STAG2: variants seen among roughly 807,000 people sequenced by gnomAD.
STAG2 encodes the protein cohesin subunit SA-2.
A neutral mutation model predicts 108.1 loss-of-function variants in STAG2; 14 were observed. The observed-to-expected ratio is 0.13, with a 90% CI of 0.09 to 0.20. The LOEUF (loss-of-function observed/expected upper bound fraction) is 0.20, where lower values mean the gene tolerates loss of function less well. Among genes scored for constraint, STAG2 ranks in the 10% least tolerant of loss-of-function variants. STAG2 has a pLI of 1.00. For missense variants in STAG2, 440 were observed against 940.9 expected (o/e 0.47, Z 6.96); for synonymous variants, 307 against 302.7 (o/e 1.01, Z -0.15).
chrX:123,984,254 A>AGGCAT (rs1363001479), intron 1 of STAG2, among the ~76,000 whole-genome samples: 4 of 110,790 alleles, frequency 3.6e-5, no homozygotes, highest in Non-Finnish European at 7.5e-5. Flanking sequence ...CTGGGATTAC[A>AGGCAT]GGCATGAAGC....
chrX:124,088,214 T>C (rs1025492069), intron 30 of STAG2, among the ~76,000 whole-genome samples: 3 of 110,794 alleles, frequency 2.7e-5, no homozygotes, highest in African/African-American at 6.6e-5. Context: ...AACACATGAA[T>C]GGGTATTTAT....
intron 1 of STAG2, chrX:124,003,566 C>CAT (rs2056149814): frequency 1.8e-5 from 2 of 109,500 alleles, no homozygotes; most frequent in East Asian, 5.8e-4. Flanking sequence ...GGATTACAGG[C>CAT]GCCTGCCACC....
chrX:124,029,312 C>T (rs943467440), intron 4 of STAG2, among the ~76,000 whole-genome samples: 16 of 100,414 alleles, frequency 1.6e-4, no homozygotes, highest in Non-Finnish European at 2.8e-4. Flanking sequence ...CCACTGCGCC[C>T]GGCCTATTTA....
intron 1 of STAG2, among the ~76,000 whole-genome samples, chrX:123,976,575 A>G (rs1358900974): frequency 9.0e-6 from 1 of 111,559 alleles, no homozygotes; most frequent in Non-Finnish European, 1.9e-5. Context: ...ATTGGTATTC[A>G]TATTTAAAAG....
chrX:124,031,229 T>C, intron 5 of STAG2, 104 bp downstream of exon 5: 2 of 843,790 alleles, frequency 2.4e-6, no homozygotes, highest in Non-Finnish European at 3.1e-6. Flanking sequence ...AAACATACAC[T>C]ACTTATTAGA....
intron 27 of STAG2, among the ~76,000 whole-genome samples, chrX:124,079,330 G>T (rs1046661993): frequency 9.1e-6 from 1 of 110,339 alleles, no homozygotes; most frequent in Non-Finnish European, 1.9e-5. Flanking sequence ...TAGTAGAGAC[G>T]GGGTTTCACC....
At position 124,100,566 on chromosome X, in the gene STAG2, C is replaced by T. The variant is rs1386175919; in HGVS notation, c.3784-8C>T. 5.9e-6 allele frequency: 7 copies of T among 1,192,513 alleles called. No homozygotes were observed. The African/African-American group carries it at 1.2e-4, about 21-fold the overall frequency. On this transcript the variant is annotated splice_polypyrimidine_tract_variant and splice_region_variant and intron_variant, in intron 34 of 34. Transcript: ENST00000371145. ...ACGAGATTTTCTCCCCTCTCTCTCT[C>T]TCATTAGGTTCTTGGAGTGTCAATG... is the stretch of plus-strand genomic sequence containing the variant.
At chrX:124,012,812 GTTTT>G (rs759877508) in intron 1 of STAG2, among the ~76,000 whole-genome samples, 7 of 111,558 alleles carry the variant, frequency 6.3e-5, no homozygotes, top group African/African-American at 2.3e-4. Flanking sequence ...CTACTGAATT[GTTTT>G]TTGGCTACAG....
chrX:124,003,884 T>C (rs1041090476), intron 1 of STAG2: 1 of 112,068 alleles, frequency 8.9e-6, no homozygotes, highest in East Asian at 2.8e-4. Flanking sequence ...TGGTTTAATA[T>C]ATTTTAATAC....
At chrX:123,982,660 T>C (rs752737189) in intron 1 of STAG2, among the ~76,000 whole-genome samples, 1 of 110,852 alleles carries the variant, frequency 9.0e-6, no homozygotes, top group Non-Finnish European at 1.9e-5. Context: ...ATGTTGAGAT[T>C]ATAGGCGTGA....
At chrX:124,053,541 A>C (rs1267679061) in intron 13 of STAG2, among the ~76,000 whole-genome samples, 2 of 111,674 alleles carry the variant, frequency 1.8e-5, no homozygotes, top group African/African-American at 3.3e-5. Context: ...ATATGATACA[A>C]ACTAATGAGT....
At chrX:123,976,229 G>A (rs1271227235) in intron 1 of STAG2, among the ~76,000 whole-genome samples, 1 of 111,729 alleles carries the variant, frequency 9.0e-6, no homozygotes, top group South Asian at 3.7e-4. Flanking sequence ...AGCCAAGGTC[G>A]TGCCACTGCA....
At chrX:124,097,228 T>C (rs1603204135) in intron 34 of STAG2, among the ~76,000 whole-genome samples, 1 of 107,263 alleles carries the variant, frequency 9.3e-6, no homozygotes, top group East Asian at 2.9e-4. Flanking sequence ...CAATTGGTCT[T>C]AAGTGTGGCC....
rs7881113 is a variant in STAG2, at chrX:123,968,934, C to T, written c.-163+7078C>T. On this transcript the variant is annotated intron_variant, in intron 1 of 34. Transcript: ENST00000371145. ...TTGTCTCAAGTCACATGGATTCACA[C>T]TCAGATTAGCCTGGCCTCAAAACCT... Among the ~76,000 whole-genome samples the T allele has an allele frequency of 2.0e-3, 226 of 112,018 alleles. 1 individual carries two copies. Among genetic ancestry groups the T allele is most frequent in the Middle Eastern group, 9.2e-3 (2 of 218 alleles).
intron 15 of STAG2, among the ~76,000 whole-genome samples, chrX:124,058,873 A>G (rs1174622359): frequency 8.9e-6 from 1 of 112,249 alleles, no homozygotes; most frequent in East Asian, 2.8e-4. Context: ...AGTTATTTCT[A>G]TATATGGATA....
At chrX:124,053,108 C>T (rs1180275388) in intron 13 of STAG2, among the ~76,000 whole-genome samples, 1 of 112,181 alleles carries the variant, frequency 8.9e-6, no homozygotes, top group Non-Finnish European at 1.9e-5. Flanking sequence ...TGAGCTACCA[C>T]ACCCAGCCAA....
chrX:124,086,886 G>T, intron 30 of STAG2, 116 bp downstream of exon 30: 2 of 610,728 alleles, frequency 3.3e-6, no homozygotes, highest in South Asian at 6.9e-5. Flanking sequence ...TACAAAATGT[G>T]TTCATTATGT....
chrX:124,055,789 C>T (rs1404256409), intron 13 of STAG2, among the ~76,000 whole-genome samples: 1 of 111,839 alleles, frequency 8.9e-6, no homozygotes, highest in Admixed American at 9.5e-5. Flanking sequence ...ATTATATTAT[C>T]TGTGATTTTT....
At chrX:124,058,329 T>C (rs1375966464) in intron 15 of STAG2, among the ~76,000 whole-genome samples, 1 of 110,532 alleles carries the variant, frequency 9.0e-6, no homozygotes, top group African/African-American at 3.3e-5. Flanking sequence ...AGCTAATTTT[T>C]AGTACAGACG....
Sources: allele counts gnomAD v4.1 joint callset (sites outside exome capture counted in the v4.1 genomes callset), GRCh38; gene constraint gnomAD v4.1.1; transcripts MANE v1.5; gene names NCBI Gene and HGNC (gene_info 2026-07-23, HGNC 2026-07-21).